The following BRF2 variants were observed in gnomAD, a reference collection of about 807,000 sequenced individuals.
BRF2 encodes the protein BRF2 general transcription factor IIIB subunit, also known as transcription factor IIIB 50 kDa subunit.
Under a neutral mutation model 26.6 loss-of-function variants are expected in BRF2, and 17 were observed. The observed-to-expected ratio is 0.64, with a 90% CI of 0.44 to 0.96. BRF2 has a LOEUF of 0.96. Among genes scored for constraint, BRF2 ranks in the 40% least tolerant of loss-of-function variants. BRF2 has a pLI of 0.00. For synonymous variants in BRF2, 219 were observed against 226.6 expected (o/e 0.97, Z 0.30); for missense variants, 515 against 537.0 (o/e 0.96, Z 0.40).
rs113575427 is a variant in BRF2 at position 37,844,088 on chromosome 8, G to A, written c.*402C>T. On this transcript the variant is annotated 3_prime_UTR_variant, in exon 4 of 4. Coordinates refer to ENST00000220659, the MANE Select transcript of BRF2 (RefSeq NM_018310.4). ...GTAGGGCCAGAATTCCCCAGTTCCC[G>A]CTCCTCTGAGGGTTGATACTGCTGG... The A allele has an allele frequency of 4.5e-3, 894 of 196,636 alleles. 9 individuals are homozygous for A. Among genetic ancestry groups the A allele is most frequent in the African/African-American group, 0.02 (864 of 43,790 alleles). 12.2% of individuals were successfully genotyped at this position (196,636 alleles called of 1,614,324 possible).
In BRF2 at chr8:37,844,176, G is replaced by T. The variant is rs183936139; in HGVS notation, c.*314C>A. On this transcript the variant is annotated 3_prime_UTR_variant, in exon 4 of 4. Coordinates refer to ENST00000220659, the MANE Select transcript of BRF2 (RefSeq NM_018310.4). ...CAGGCCTGCAGGAGGAGCCGCAGCA[G>T]TGTGTCCAATTCAAACCAGCAGCAA... 71 of 334,888 alleles carry T rather than the reference G, an allele frequency of 2.1e-4. No homozygotes were observed. The Admixed American group carries it at 2.3e-3, about 11-fold the overall frequency. The allele number at this position is 334,888 out of a possible 1,614,324, so 20.7% of individuals were successfully genotyped here. A position where few individuals can be genotyped will look rare whatever the true frequency, so the allele number is the denominator to read the frequency against.
chr8:37,846,602 A>C (rs983248207), intron 3 of BRF2, among the ~76,000 whole-genome samples: 11 of 149,970 alleles, frequency 7.3e-5, no homozygotes, highest in Non-Finnish European at 1.5e-4. Flanking sequence ...TAAAAATGCA[A>C]AGAAAAACAA....
intron 2 of BRF2, among the ~76,000 whole-genome samples, chr8:37,847,637 C>A (rs1805986088): frequency 6.6e-6 from 1 of 152,208 alleles, no homozygotes; most frequent in Non-Finnish European, 1.5e-5. Context: ...TTAAGTGATT[C>A]TCCTGCCTCA....
In BRF2 at chr8:37,846,893, G is replaced by A. The variant is rs140725525; in HGVS notation, c.497C>T (p.Ser166Phe). The A allele has an allele frequency of 6.8e-6, 11 of 1,614,056 alleles. No individual in the cohort carries two copies. In the African/African-American group the frequency reaches 1.1e-4, roughly 16 times the overall value. ...IVKLLGLDVP[S>F]LCLAELVKTY... ...CTTCACCAGTTCTGCCAAGCACAGAGATGGCACATCCAGTCCCAGGAGCTT... is the reference window on the plus strand; with the variant it reads ...CTTCACCAGTTCTGCCAAGCACAGAAATGGCACATCCAGTCCCAGGAGCTT... Residue 166 changes from serine (S) to phenylalanine (F), a missense_variant, in exon 3 of 4, where the codon TCT (serine) becomes TTT (phenylalanine). Coordinates refer to ENST00000220659, the MANE Select transcript of BRF2 (RefSeq NM_018310.4).
chr8:37,848,662 G>C lies in BRF2; in HGVS notation c.155-7C>G. ...CTTCGGGAATATGTTACCTCTGTAA[G>C]ATAATAAACAACAAATAGTGTGCTT... On this transcript the variant is annotated splice_polypyrimidine_tract_variant and splice_region_variant and intron_variant, in intron 1 of 3. Coordinates refer to ENST00000220659, the MANE Select transcript of BRF2 (RefSeq NM_018310.4). 1 of 1,611,696 alleles carries C rather than the reference G, an allele frequency of 6.2e-7. No individual in the cohort carries two copies. Among genetic ancestry groups the C allele is most frequent in the Non-Finnish European group, 8.5e-7 (1 of 1,177,766 alleles).
At chr8:37,848,544 G>A in intron 2 of BRF2, 52 bp downstream of exon 2, 1 of 1,547,314 alleles carries the variant, frequency 6.5e-7, no homozygotes, top group Non-Finnish European at 8.9e-7. Flanking sequence ...ACAGCACCTG[G>A]CCTAGGATAG....
intron 3 of BRF2, chr8:37,845,752 T>C: frequency 1.5e-6 from 1 of 678,570 alleles, no homozygotes; most frequent in Non-Finnish European, 2.7e-6. Flanking sequence ...CAGTGAGCTA[T>C]GATGGTGCCA....
chr8:37,849,490 G>T, intron 1 of BRF2, 140 bp downstream of exon 1: 1 of 686,090 alleles, frequency 1.5e-6, no homozygotes, highest in Non-Finnish European at 2.4e-6. Flanking sequence ...ATCTCCTTCA[G>T]CTCCCTCGCT....
chr8:37,847,364 G>A (rs906317134), intron 2 of BRF2, 189 bp from the exon 3 acceptor site: 1 of 694,048 alleles, frequency 1.4e-6, no homozygotes, highest in African/African-American at 1.7e-5. Context: ...AAACATTTGT[G>A]TAAAGAAGTC....
chr8:37,849,576 G>C, intron 1 of BRF2, 54 bp downstream of exon 1: 1 of 1,452,110 alleles, frequency 6.9e-7, no homozygotes. Flanking sequence ...GAGGCAAAAG[G>C]AATCTGATGT....
At chr8:37,849,507 A>T in intron 1 of BRF2, 123 bp downstream of exon 1, 1 of 798,432 alleles carries the variant, frequency 1.3e-6, no homozygotes, top group Non-Finnish European at 2.0e-6. Flanking sequence ...CGCTCACTTT[A>T]GGTCATTTTC....
At chr8:37,848,702 A>G in intron 1 of BRF2, 47 bp from the exon 2 acceptor site, 2 of 1,479,414 alleles carry the variant, frequency 1.4e-6, no homozygotes, top group Non-Finnish European at 1.9e-6. Flanking sequence ...TTTATTCATC[A>G]GACCCCTGCC....
In BRF2 at chr8:37,849,682, C is replaced by A; in HGVS notation, c.102G>T (p.Val34=). 6.2e-7 allele frequency: 1 copy of A among 1,613,704 alleles called. No individual in the cohort carries two copies. Among genetic ancestry groups the A allele is most frequent in the Non-Finnish European group, 8.5e-7 (1 of 1,179,954 alleles). The part of the protein sequence containing the change: ...SQLVCSDCGC[V]VTEGVLTTTF... Reference sequence around the variant, plus strand: ...TAGTGGTAAGGACCCCCTCGGTGACCACGCAGCCGCAGTCGGAGCACACCA... The same window carrying A: ...TAGTGGTAAGGACCCCCTCGGTGACAACGCAGCCGCAGTCGGAGCACACCA... The change falls in exon 1 of 4, where the codon GTG becomes GTT. Residue 34 remains valine (V), a synonymous_variant. Coordinates refer to ENST00000220659, the MANE Select transcript of BRF2 (RefSeq NM_018310.4).
Position 37,847,055 on chromosome 8 carries a change from T to C in BRF2, c.335A>G (p.Gln112Arg). Residue 112 changes from glutamine to arginine, a missense_variant, in exon 3 of 4, where the codon CAA becomes CGA. Transcript: ENST00000220659. ...RHSGIRAARLQKKEVLVGCCV... is the reference protein window; with the variant it reads ...RHSGIRAARLRKKEVLVGCCV... ...GCACCCAACCAACACCTCCTTCTTTTGCAGCCTGGCCGCTCGGATGCCAGA... is the reference window on the plus strand; with the variant it reads ...GCACCCAACCAACACCTCCTTCTTTCGCAGCCTGGCCGCTCGGATGCCAGA... The C allele has an allele frequency of 1.2e-6, 2 of 1,614,236 alleles. No homozygotes were observed. The highest frequency in any genetic ancestry group is 2.7e-5 in the African/African-American group (2 of 75,064).
In BRF2 at chr8:37,848,672, A is replaced by G; in HGVS notation, c.155-17T>C. 5 of 1,609,118 alleles carry G rather than the reference A, an allele frequency of 3.1e-6. No individual in the cohort carries two copies. The highest frequency in any genetic ancestry group is 4.3e-6 in the Non-Finnish European group (5 of 1,175,386). ...ATGTTACCTCTGTAAGATAATAAACAACAAATAGTGTGCTTAGCCTTTATT... is the reference window on the plus strand; with the variant it reads ...ATGTTACCTCTGTAAGATAATAAACGACAAATAGTGTGCTTAGCCTTTATT... On this transcript the variant is annotated splice_polypyrimidine_tract_variant and intron_variant, in intron 1 of 3. Transcript: ENST00000220659.
chr8:37,844,671 G>C lies in BRF2; in HGVS notation c.1079C>G (p.Pro360Arg). The part of the protein sequence containing the change: ...RPASPALLLP[P>R]CMLKSPKRIC... The stretch of plus-strand genomic sequence containing the variant: ...CCGCTTCGGGGACTTCAACATGCAG[G>C]GTGGCAAGAGAAGGGCAGGACTGGC... The change falls in exon 4 of 4, where the codon CCC becomes CGC. Residue 360 changes from proline (P) to arginine (R), a missense_variant. By Grantham distance (103) the Pro-to-Arg change is moderately radical. Transcript: ENST00000220659. 1 of 1,614,092 alleles carries C rather than the reference G, an allele frequency of 6.2e-7. No individual in the cohort carries two copies. Among genetic ancestry groups the C allele is most frequent in the Non-Finnish European group, 8.5e-7 (1 of 1,180,024 alleles).
At position 37,844,223 on chromosome 8, in the gene BRF2, CATCT is replaced by C. The variant is rs1241104155; in HGVS notation, c.*263_*266del. On this transcript the variant is annotated 3_prime_UTR_variant, in exon 4 of 4. Transcript: ENST00000220659. ...GCAAAGAGCCTGACATTTTCCCATC[CATCT>C]ATGAGGAAAGCCATCTCACAGAACA... 13 of 460,100 alleles carry C rather than the reference CATCT, an allele frequency of 2.8e-5. No homozygotes were observed. The highest frequency in any genetic ancestry group is 4.3e-5 in the Non-Finnish European group (11 of 255,320). 28.5% of individuals were successfully genotyped at this position (460,100 alleles called of 1,614,324 possible).
At chr8:37,845,905 C>A (rs895326832) in intron 3 of BRF2, 5 of 574,024 alleles carry the variant, frequency 8.7e-6, no homozygotes, top group Non-Finnish European at 1.5e-5. Flanking sequence ...GGGCATTCAG[C>A]CACAAAGCCC....
chr8:37,843,602 G>C lies in BRF2; in HGVS notation c.*888C>G, dbSNP rs917873478. ...GAAGAACAACAGGAAACCAAGGTCT[G>C]ACCTAGGGTTCCCTCCCAGTCTTCA... On this transcript the variant is annotated 3_prime_UTR_variant, in exon 4 of 4. Transcript: ENST00000220659. 6.6e-6 allele frequency: 1 copy of C among 152,260 alleles called. No homozygotes were observed. The highest frequency in any genetic ancestry group is 2.4e-5 in the African/African-American group (1 of 41,450). The allele number at this position is 152,260 out of a possible 1,614,324, so 9.4% of individuals were successfully genotyped here.
Sources: allele counts gnomAD v4.1 joint callset (sites outside exome capture counted in the v4.1 genomes callset), GRCh38; gene constraint gnomAD v4.1.1; transcripts MANE v1.5; gene names NCBI Gene and HGNC (gene_info 2026-07-23, HGNC 2026-07-21).